NRG1: variants seen among roughly 807,000 people sequenced by gnomAD.
The protein encoded by NRG1 is pro-neuregulin-1, membrane-bound isoform.
Under a neutral mutation model 63.8 loss-of-function variants are expected in NRG1, and 18 were observed. The observed-to-expected ratio is 0.28, with a 90% CI of 0.19 to 0.42. NRG1 has a LOEUF of 0.42. NRG1 is among the 10% of genes least tolerant of loss of function. The probability of loss-of-function intolerance (pLI) is 1.00; values close to 1 mark genes in which losing one functional copy is unlikely to be tolerated. For missense variants in NRG1, 762 were observed against 814.7 expected (o/e 0.94, Z 0.79); for synonymous variants, 302 against 301.3 (o/e 1.00, Z -0.02).
rs532934192 is a variant in NRG1 at position 31,642,406 on chromosome 8, T to C, written c.37+2975T>C. ...TTGTAGTTAGCTGTGATGCCTAGGA[T>C]TGGGGGTGCATTACTACATTATCAA... is the stretch of plus-strand genomic sequence containing the variant. On this transcript the variant is annotated intron_variant, in intron 1 of 10. Transcript: ENST00000519301. Among the ~76,000 whole-genome samples the C allele has an allele frequency of 5.9e-5, 9 of 152,304 alleles. No homozygotes were observed. In the South Asian group the frequency reaches 8.3e-4, roughly 14 times the overall value.
chr8:32,407,275 T>TTA (rs529128261), intron 1 of NRG1, among the ~76,000 whole-genome samples: 3 of 47,602 alleles, frequency 6.3e-5, no homozygotes, highest in African/African-American at 2.1e-4. Flanking sequence ...TATATATATA[T>TTA]TATATATATA....
intron 1 of NRG1, among the ~76,000 whole-genome samples, chr8:32,123,952 C>A (rs1585464569): frequency 6.6e-6 from 1 of 151,744 alleles, no homozygotes. Context: ...AAATTTATTT[C>A]TTTTGTTCTC....
At chr8:32,142,978 G>C (rs1032920028) in intron 1 of NRG1, among the ~76,000 whole-genome samples, 1 of 152,156 alleles carries the variant, frequency 6.6e-6, no homozygotes, top group Admixed American at 6.5e-5. Context: ...TGTGGTAAAC[G>C]TGAGGCAAAC....
chr8:31,639,482 C>G (rs1803520916), intron 1 of NRG1: 2 of 1,530,328 alleles, frequency 1.3e-6, no homozygotes, highest in Non-Finnish European at 1.7e-6. Flanking sequence ...GGCCACCCAG[C>G]GATTTCCAGG....
chr8:32,430,946 C>T (rs1818062873), intron 1 of NRG1, among the ~76,000 whole-genome samples: 1 of 152,148 alleles, frequency 6.6e-6, no homozygotes, highest in South Asian at 2.1e-4. Context: ...CATCCAGTAG[C>T]TCATAGTCTA....
intron 1 of NRG1, among the ~76,000 whole-genome samples, chr8:31,832,113 A>G (rs1172755100): frequency 1.3e-5 from 2 of 152,194 alleles, no homozygotes; most frequent in Non-Finnish European, 2.9e-5. Context: ...GAAGGAATGC[A>G]TTGTGGATTC....
intron 1 of NRG1, among the ~76,000 whole-genome samples, chr8:31,680,101 C>T (rs938631662): frequency 3.3e-5 from 5 of 152,008 alleles, no homozygotes; most frequent in Non-Finnish European, 7.4e-5. Flanking sequence ...TACCAATCTA[C>T]AAAAGATATG....
intron 1 of NRG1, among the ~76,000 whole-genome samples, chr8:31,660,557 T>C (rs207469025): frequency 6.6e-6 from 1 of 152,370 alleles, no homozygotes; most frequent in East Asian, 1.9e-4. Context: ...GAGAGTCTTA[T>C]TATTTGCCCT....
intron 1 of NRG1, among the ~76,000 whole-genome samples, chr8:31,834,307 G>GCACGCACACACACACACACA (rs373890145): frequency 1.6e-3 from 193 of 119,500 alleles, no homozygotes; most frequent in Middle Eastern, 7.6e-3. Context: ...GCGCACGCGC[G>GCACGCACACACACACACACA]CACACACACA....
chr8:32,191,252 T>G (rs1842467584), intron 1 of NRG1, among the ~76,000 whole-genome samples: 1 of 152,012 alleles, frequency 6.6e-6, no homozygotes, highest in Admixed American at 6.6e-5. Context: ...GCCTGGCTAG[T>G]TTTTGTATTT....
intron 1 of NRG1, among the ~76,000 whole-genome samples, chr8:31,787,154 A>G (rs2131639830): frequency 6.6e-6 from 1 of 152,368 alleles, no homozygotes; most frequent in East Asian, 1.9e-4. Flanking sequence ...CATGTATTTC[A>G]TGAAGCCTTC....
chr8:31,749,801 G>A lies in NRG1; in HGVS notation c.37+110370G>A, dbSNP rs1053064190. On this transcript the variant is annotated intron_variant, in intron 1 of 10. Transcript: ENST00000519301. Reference sequence around the variant, plus strand: ...ATAAATGGATTACATATATCAGATAGAATTAAGTGTTTGCAAATTAAGGCT... The same window carrying A: ...ATAAATGGATTACATATATCAGATAAAATTAAGTGTTTGCAAATTAAGGCT... 2.6e-5 allele frequency among the ~76,000 whole-genome samples: 4 copies of A among 151,390 alleles called. No individual in the cohort carries two copies. The Admixed American group carries it at 2.6e-4, about 10-fold the overall frequency.
At chr8:32,219,322 G>A (rs1334692510) in intron 1 of NRG1, among the ~76,000 whole-genome samples, 1 of 152,116 alleles carries the variant, frequency 6.6e-6, no homozygotes, top group Admixed American at 6.5e-5. Context: ...AGGTTTTATT[G>A]AGCTTTTGCA....
At chr8:32,346,056 T>C (rs1804851828) in intron 1 of NRG1, among the ~76,000 whole-genome samples, 1 of 147,826 alleles carries the variant, frequency 6.8e-6, no homozygotes, top group African/African-American at 2.5e-5. Context: ...ATATATTAAT[T>C]CTATATTTTA....
intron 1 of NRG1, among the ~76,000 whole-genome samples, chr8:32,375,716 C>T (rs1030896389): frequency 3.3e-5 from 5 of 152,232 alleles, no homozygotes; most frequent in African/African-American, 1.2e-4. Context: ...AATGAAAGCT[C>T]TTTCCAGTAG....
chr8:32,773,441 G>T (rs972791976), intron 7 of NRG1, among the ~76,000 whole-genome samples: 1 of 152,128 alleles, frequency 6.6e-6, no homozygotes, highest in African/African-American at 2.4e-5. Context: ...CAGTTACCAA[G>T]CAAAGGAGCA....
intron 1 of NRG1, among the ~76,000 whole-genome samples, chr8:31,899,507 G>T (rs983832293): frequency 7.9e-5 from 12 of 152,078 alleles, no homozygotes; most frequent in African/African-American, 2.7e-4. Flanking sequence ...AGTCATGGCT[G>T]CAATCTGGAG....
chr8:32,114,775 G>A (rs1444876645), intron 1 of NRG1, among the ~76,000 whole-genome samples: 1 of 152,186 alleles, frequency 6.6e-6, no homozygotes, highest in Admixed American at 6.5e-5. Context: ...CCCTGGAGCT[G>A]AAGATAGCCC....
At chr8:32,063,091 A>G (rs1824156240) in intron 1 of NRG1, 2 of 152,158 alleles carry the variant, frequency 1.3e-5, no homozygotes, top group Admixed American at 6.6e-5. Context: ...AGTCAGACTT[A>G]TGTTTCTTCC....
Sources: allele counts gnomAD v4.1 joint callset (sites outside exome capture counted in the v4.1 genomes callset), GRCh38; gene constraint gnomAD v4.1.1; transcripts MANE v1.5; gene names NCBI Gene and HGNC (gene_info 2026-07-23, HGNC 2026-07-21).